Variants in ZBTB44 observed in about 807,000 individuals in gnomAD.
ZBTB44 encodes zinc finger and BTB domain containing 44.
In ZBTB44, 15 loss-of-function variants were observed where a neutral mutation model predicts 54.0. That is an observed-to-expected ratio of 0.28 (90% CI 0.19 to 0.43). The LOEUF (loss-of-function observed/expected upper bound fraction) is 0.43, where lower values mean the gene tolerates loss of function less well. Among genes scored for constraint, ZBTB44 ranks in the 20% least tolerant of loss-of-function variants. The probability of loss-of-function intolerance (pLI) is 1.00; values close to 1 mark genes in which losing one functional copy is unlikely to be tolerated. For missense variants in ZBTB44, 487 were observed against 707.1 expected, an observed-to-expected ratio of 0.69 and a Z score of 3.53; for synonymous variants, 230 against 250.1, an observed-to-expected ratio of 0.92 and a Z score of 0.76.
At chr11:130,252,480 T>C (rs1486437767) in intron 2 of ZBTB44, among the ~76,000 whole-genome samples, 1 of 152,208 alleles carries the variant, frequency 6.6e-6, no homozygotes, top group Non-Finnish European at 1.5e-5. Flanking sequence ...TACATTCTTC[T>C]CAGCACCGCA....
rs1381559569 is a variant in ZBTB44, at chr11:130,257,254, AAAAAAG to A, written c.1018+3596_1018+3601del. Reference sequence around the variant, plus strand: ...CCCAGATCTTAAAAAAAAAAAAAAAAAAAAAGAAAAAGTACATCTTAATCCTTGCTA... The same window carrying A: ...CCCAGATCTTAAAAAAAAAAAAAAAAAAAAAGTACATCTTAATCCTTGCTA... On this transcript the variant is annotated intron_variant, in intron 2 of 7. Coordinates refer to ENST00000357899, the MANE Select transcript of ZBTB44 (RefSeq NM_001301098.2). 3.3e-5 allele frequency among the ~76,000 whole-genome samples: 5 copies of A among 151,956 alleles called. No homozygotes were observed. In the East Asian group the frequency reaches 9.6e-4, roughly 29 times the overall value.
intron 1 of ZBTB44, among the ~76,000 whole-genome samples, chr11:130,280,724 C>T (rs1041499196): frequency 2.0e-5 from 3 of 152,208 alleles, no homozygotes; most frequent in East Asian, 1.9e-4. Context: ...AACTTCTTTA[C>T]GTTGACTTGT....
chr11:130,231,352 GGTTA>G lies in ZBTB44; in HGVS notation c.*408_*411del, dbSNP rs1427734485. 4 of 152,000 alleles carry G rather than the reference GGTTA, an allele frequency of 2.6e-5. No individual in the cohort carries two copies. The highest frequency in any genetic ancestry group is 4.1e-4 in the South Asian group (2 of 4,820). 9.4% of individuals were successfully genotyped at this position (152,000 alleles called of 1,614,324 possible). The stretch of plus-strand genomic sequence containing the variant: ...TTTGTATCATTTTATGTTAAATACT[GGTTA>G]GTTACTGGTATTGATAAGATCTGGG... On this transcript the variant is annotated 3_prime_UTR_variant, in exon 8 of 8. Transcript: ENST00000357899.
At chr11:130,257,672 T>G (rs1300204630) in intron 2 of ZBTB44, among the ~76,000 whole-genome samples, 3 of 152,162 alleles carry the variant, frequency 2.0e-5, no homozygotes, top group African/African-American at 7.2e-5. Flanking sequence ...CCATTCAGTT[T>G]GCGGTACTTT....
At position 130,236,725 on chromosome 11, in the gene ZBTB44, G is replaced by A. The variant is rs1954125641; in HGVS notation, c.1568+68C>T. The A allele has an allele frequency of 4.6e-6, 6 of 1,315,658 alleles. No homozygotes were observed. The South Asian group carries it at 9.2e-5, about 20-fold the overall frequency. 81.5% of individuals were successfully genotyped at this position (1,315,658 alleles called of 1,614,324 possible). A position where few individuals can be genotyped will look rare whatever the true frequency, so the allele number is the denominator to read the frequency against. ...ACCTGATGTAAAAACACAGAAGGCT[G>A]CCCTAAAAGCAGGAAAAGAGAGTTT... On this transcript the variant is annotated intron_variant, in intron 5 of 7. Coordinates refer to ENST00000357899, the MANE Select transcript of ZBTB44 (RefSeq NM_001301098.2).
intron 4 of ZBTB44, among the ~76,000 whole-genome samples, chr11:130,237,641 A>G (rs1403094396): frequency 6.6e-6 from 1 of 152,214 alleles, no homozygotes; most frequent in Admixed American, 6.5e-5. Context: ...ATGAGTTATA[A>G]AGTGTATTAA....
At chr11:130,283,102 T>C (rs1052486372) in intron 1 of ZBTB44, among the ~76,000 whole-genome samples, 1 of 146,356 alleles carries the variant, frequency 6.8e-6, no homozygotes, top group Non-Finnish European at 1.5e-5. Flanking sequence ...TGGAGTGTAG[T>C]GGCGCAACCT....
chr11:130,281,489 T>C (rs7116199), intron 1 of ZBTB44, among the ~76,000 whole-genome samples: 14,607 of 151,454 alleles, frequency 0.096, 1,879 homozygotes, highest in African/African-American at 0.3. Context: ...TACTGCACTC[T>C]AGCCTGGGCA....
intron 1 of ZBTB44, among the ~76,000 whole-genome samples, chr11:130,282,338 C>T (rs1940594450): frequency 6.6e-6 from 1 of 152,184 alleles, no homozygotes; most frequent in East Asian, 1.9e-4. Flanking sequence ...AGTCACTGTT[C>T]TACTTTCTGT....
intron 1 of ZBTB44, among the ~76,000 whole-genome samples, chr11:130,263,712 T>G (rs968560618): frequency 6.6e-6 from 1 of 152,196 alleles, no homozygotes; most frequent in Non-Finnish European, 1.5e-5. Flanking sequence ...AAAACTATTT[T>G]CAACCTTGAG....
intron 3 of ZBTB44, 181 bp downstream of exon 3, chr11:130,239,631 G>GAAA: frequency 2.4e-6 from 1 of 416,574 alleles, no homozygotes; most frequent in South Asian, 3.1e-5. Flanking sequence ...AAATGCTGGG[G>GAAA]AAAAAAAAAA....
intron 1 of ZBTB44, among the ~76,000 whole-genome samples, chr11:130,269,010 G>A (rs1261940400): frequency 5.3e-5 from 8 of 151,160 alleles, no homozygotes; most frequent in East Asian, 2.0e-4. Context: ...AAAAAATCTC[G>A]CCAGGCACGG....
chr11:130,289,481 CAAA>C (rs796256653), intron 1 of ZBTB44, among the ~76,000 whole-genome samples: 24 of 64,562 alleles, frequency 3.7e-4, no homozygotes, highest in Admixed American at 5.5e-4. Context: ...GACTCTGCCT[CAAA>C]AAAAAAAAAA....
chr11:130,238,506 G>A lies in ZBTB44; in HGVS notation c.1205C>T (p.Pro402Leu). Residue 402 changes from proline to leucine, a missense_variant, in exon 4 of 8, where the codon CCA becomes CTA. Pro to Leu is a moderately conservative substitution (Grantham distance 98). Coordinates refer to ENST00000357899, the MANE Select transcript of ZBTB44 (RefSeq NM_001301098.2). ...ACGGGTGAATCGCACCCCGCAGGTTGGACACTGAAAAGGTCTGTCGGGACC... is the reference window on the plus strand; with the variant it reads ...ACGGGTGAATCGCACCCCGCAGGTTAGACACTGAAAAGGTCTGTCGGGACC... ...PNGPDRPFQCPTCGVRFTRIQ... is the reference protein window; with the variant it reads ...PNGPDRPFQCLTCGVRFTRIQ... The A allele has an allele frequency of 6.2e-7, 1 of 1,610,546 alleles. No individual in the cohort carries two copies. Among genetic ancestry groups the A allele is most frequent in the Non-Finnish European group, 8.5e-7 (1 of 1,178,382 alleles).
chr11:130,290,119 T>C (rs1041764152), intron 1 of ZBTB44, among the ~76,000 whole-genome samples: 3 of 152,174 alleles, frequency 2.0e-5, no homozygotes, highest in African/African-American at 7.2e-5. Context: ...CAAGTCTCCT[T>C]ATACAAGGAA....
chr11:130,292,487 C>G (rs1941361625), intron 1 of ZBTB44, among the ~76,000 whole-genome samples: 1 of 151,768 alleles, frequency 6.6e-6, no homozygotes, highest in African/African-American at 2.4e-5. Flanking sequence ...AGTACATACA[C>G]TGGTATGCAA....
chr11:130,298,832 GAC>G (rs71061379), intron 1 of ZBTB44, among the ~76,000 whole-genome samples: 116,739 of 149,582 alleles, frequency 0.78, 45,944 homozygotes, highest in Admixed American at 0.83. Flanking sequence ...CAGACACCCA[GAC>G]ACACACACAC....
chr11:130,230,621 T>A lies in ZBTB44; in HGVS notation c.*1143A>T, dbSNP rs1443735396. ...GTAACTAAATGCGTAACTAATTACT[T>A]GAAATAAAAAGATTACTTGAAATTC... On this transcript the variant is annotated 3_prime_UTR_variant, in exon 8 of 8. Transcript: ENST00000357899. The A allele has an allele frequency of 6.6e-6, 1 of 151,380 alleles. No homozygotes were observed. The highest frequency in any genetic ancestry group is 1.5e-5 in the Non-Finnish European group (1 of 67,780). The allele number at this position is 151,380 out of a possible 1,614,324, so 9.4% of individuals were successfully genotyped here. A position where few individuals can be genotyped will look rare whatever the true frequency, so the allele number is the denominator to read the frequency against.
At chr11:130,296,872 C>T in intron 1 of ZBTB44, 1 of 732,568 alleles carries the variant, frequency 1.4e-6, no homozygotes, top group Admixed American at 1.9e-5. Flanking sequence ...CCTCAAGTTG[C>T]TCTGCCATTT....
Sources: gnomAD v4.1 joint callset for allele counts (sites outside exome capture counted in the v4.1 genomes callset) on GRCh38, gnomAD v4.1.1 for gene constraint, MANE v1.5 for transcripts, NCBI Gene and HGNC (gene_info 2026-07-23, HGNC 2026-07-21) for gene names.